Variants in PCDHGA3 observed in about 807,000 individuals in gnomAD.
PCDHGA3 encodes the protein protocadherin gamma-A3.
A neutral mutation model predicts 58.5 loss-of-function variants in PCDHGA3; 40 were observed. The ratio of observed to expected loss-of-function variants is 0.68; its 90% CI spans 0.53 to 0.89. The LOEUF is 0.89. Among genes scored for constraint, PCDHGA3 ranks in the 40% least tolerant of loss-of-function variants. PCDHGA3 has a pLI of 0.00. For synonymous variants in PCDHGA3, 530 were observed against 525.7 expected, an observed-to-expected ratio of 1.01 and a Z score of -0.11; for missense variants, 1,223 against 1,195.9, an observed-to-expected ratio of 1.02 and a Z score of -0.33.
At chr5:141,356,833 A>G in intron 1 of PCDHGA3, 1 of 1,614,124 alleles carries the variant, frequency 6.2e-7, no homozygotes, top group South Asian at 1.1e-5. Context: ...ACTCAGCAGC[A>G]ATGTGTCACT....
chr5:141,477,671 G>A lies in PCDHGA3; in HGVS notation c.2425-17136G>A, dbSNP rs1022028453. The A allele has an allele frequency of 1.2e-6, 2 of 1,614,198 alleles. No individual in the cohort carries two copies. Among genetic ancestry groups the A allele is most frequent in the Non-Finnish European group, 1.7e-6 (2 of 1,180,048 alleles). Reference sequence around the variant, plus strand: ...CACAATAAATCGTGACAATGGCATAGTGTCATCCTTAGTGCCCCTAGACTA... The same window carrying A: ...CACAATAAATCGTGACAATGGCATAATGTCATCCTTAGTGCCCCTAGACTA... On this transcript the variant is annotated intron_variant, in intron 1 of 3. Coordinates refer to ENST00000253812, the MANE Select transcript of PCDHGA3 (RefSeq NM_018916.4). This position sits in a 1 kb window ranked among gnomAD's most constrained non-coding sequence, Gnocchi z 4.9.
chr5:141,347,306 A>C (rs1335169312), intron 1 of PCDHGA3, among the ~76,000 whole-genome samples: 1 of 151,638 alleles, frequency 6.6e-6, no homozygotes, highest in Non-Finnish European at 1.5e-5. Context: ...GGCACGAGCC[A>C]CCCTCCCAGC....
intron 1 of PCDHGA3, among the ~76,000 whole-genome samples, chr5:141,459,831 G>T (rs907978430): frequency 1.3e-5 from 2 of 152,150 alleles, no homozygotes; most frequent in Non-Finnish European, 2.9e-5. Context: ...CTTTTCATGT[G>T]TTGTCTATTT....
At position 141,473,311 on chromosome 5, in the gene PCDHGA3, A is replaced by G. The variant is rs139053997; in HGVS notation, c.2425-21496A>G. On this transcript the variant is annotated intron_variant, in intron 1 of 3. Coordinates refer to ENST00000253812, the MANE Select transcript of PCDHGA3 (RefSeq NM_018916.4). ...TCAGTAGCATAAAGATTGCTATATTAATAAGCATTAAGTGCCTGCTGTGCT... is the reference window on the plus strand; with the variant it reads ...TCAGTAGCATAAAGATTGCTATATTGATAAGCATTAAGTGCCTGCTGTGCT... Among the ~76,000 whole-genome samples, 1,321 of 152,342 alleles carry G rather than the reference A, an allele frequency of 8.7e-3. 28 individuals carry two copies. Among genetic ancestry groups the G allele is most frequent in the African/African-American group, 0.03 (1,236 of 41,582 alleles).
At chr5:141,510,887 G>C (rs2099883217) in intron 3 of PCDHGA3, 60 bp from the exon 4 acceptor site, 2 of 1,612,600 alleles carry the variant, frequency 1.2e-6, no homozygotes, top group East Asian at 4.5e-5. Context: ...GGGGATATAA[G>C]ACAGTGACTG....
intron 3 of PCDHGA3, 152 bp from the exon 4 acceptor site, chr5:141,510,795 G>C (rs994874330): frequency 9.3e-5 from 136 of 1,465,100 alleles, no homozygotes; most frequent in Admixed American, 1.7e-4. Flanking sequence ...CTTGTGAAGA[G>C]AGACTACCTT....
At chr5:141,360,610 G>T (rs1761672138) in intron 1 of PCDHGA3, 1 of 1,614,000 alleles carries the variant, frequency 6.2e-7, no homozygotes, top group Non-Finnish European at 8.5e-7. Flanking sequence ...CCCAGCCCTG[G>T]ATTCAGATGT....
chr5:141,474,022 A>G (rs929139769), intron 1 of PCDHGA3, among the ~76,000 whole-genome samples: 1 of 152,160 alleles, frequency 6.6e-6, no homozygotes, highest in African/African-American at 2.4e-5. Flanking sequence ...GTGAGCTATG[A>G]TTATTCCACT....
rs1288831801 is a variant in PCDHGA3, at chr5:141,477,793, T to C, written c.2425-17014T>C. The C allele has an allele frequency of 6.2e-7, 1 of 1,614,050 alleles. No homozygotes were observed. The highest frequency in any genetic ancestry group is 2.2e-5 in the East Asian group (1 of 44,874). ...TCAGCGTGAACATATTTGTCACTGATCGCAATGACAATGCCCCCCAGGTCC... is the reference window on the plus strand; with the variant it reads ...TCAGCGTGAACATATTTGTCACTGACCGCAATGACAATGCCCCCCAGGTCC... On this transcript the variant is annotated intron_variant, in intron 1 of 3. Coordinates refer to ENST00000253812, the MANE Select transcript of PCDHGA3 (RefSeq NM_018916.4). This position sits in a 1 kb window ranked among gnomAD's most constrained non-coding sequence, Gnocchi z 4.9.
At position 141,491,651 on chromosome 5, in the gene PCDHGA3, A is replaced by G. The variant is rs1379494110; in HGVS notation, c.2425-3156A>G. 1.9e-6 allele frequency: 3 copies of G among 1,613,796 alleles called. 1 individual carries two copies. ...CAGCAGCCCACAGCTCTGGCGCTGGAGCCTGACGCCATCCGGTCCCGCTCT... is the reference window on the plus strand; with the variant it reads ...CAGCAGCCCACAGCTCTGGCGCTGGGGCCTGACGCCATCCGGTCCCGCTCT... On this transcript the variant is annotated intron_variant, in intron 1 of 3. Coordinates refer to ENST00000253812, the MANE Select transcript of PCDHGA3 (RefSeq NM_018916.4). The surrounding 1 kb of genome is among the most constrained non-coding windows in gnomAD (Gnocchi z 6.9).
rs1226359801 is a variant in PCDHGA3, at chr5:141,388,320, G to A, written c.2424+41863G>A. On this transcript the variant is annotated intron_variant, in intron 1 of 3. Coordinates refer to ENST00000253812, the MANE Select transcript of PCDHGA3 (RefSeq NM_018916.4). ...CTTTGAGCTGCAAATAAGTGAGTCT[G>A]CACAGCCTGGCACACGATTTATATT... is the stretch of plus-strand genomic sequence containing the variant. 9.3e-6 allele frequency: 15 copies of A among 1,613,768 alleles called. 1 individual carries two copies. The Admixed American group carries it at 2.5e-4, about 27-fold the overall frequency.
intron 1 of PCDHGA3, among the ~76,000 whole-genome samples, chr5:141,463,128 A>G (rs914895217): frequency 1.5e-4 from 23 of 152,190 alleles, no homozygotes; most frequent in Admixed American, 1.4e-3. Context: ...GCTCCCTGGC[A>G]GTTCTTCGCC....
At position 141,489,257 on chromosome 5, in the gene PCDHGA3, T is replaced by TC. The variant is rs773157586; in HGVS notation, c.2425-5547dup. The stretch of plus-strand genomic sequence containing the variant: ...TTCTGGGTCATGGGGCCCAAGACAC[T>TC]CCCACAGCTCGCTGGGAAATGGCAA... On this transcript the variant is annotated intron_variant, in intron 1 of 3. Coordinates refer to ENST00000253812, the MANE Select transcript of PCDHGA3 (RefSeq NM_018916.4). The surrounding 1 kb of genome is among the most constrained non-coding windows in gnomAD (Gnocchi z 4.5). 1 of 1,550,308 alleles carries TC rather than the reference T, an allele frequency of 6.5e-7. No homozygotes were observed. Among genetic ancestry groups the TC allele is most frequent in the Non-Finnish European group, 8.7e-7 (1 of 1,148,342 alleles).
intron 1 of PCDHGA3, among the ~76,000 whole-genome samples, chr5:141,466,036 G>C (rs981390655): frequency 1.3e-5 from 2 of 152,064 alleles, no homozygotes; most frequent in Non-Finnish European, 2.9e-5. Context: ...GCAGGAGAAC[G>C]GCATGAACCC....
rs568598784 is a variant in PCDHGA3, at chr5:141,345,926, C to A, written c.1893C>A (p.Ala631=). 167 of 1,613,464 alleles carry A rather than the reference C, an allele frequency of 1.0e-4. 2 individuals are homozygous for A. The South Asian group carries it at 1.7e-3, about 16-fold the overall frequency. ...CGGGCGAGGTGCGCACGGCGCGAGC[C>A]CTGCTGGACAGAGACGCGCTCAAGC... The part of the protein sequence containing the change: ...LHTGEVRTAR[A]LLDRDALKQS... Residue 631 remains alanine, a synonymous_variant, in exon 1 of 4, where the codon GCC becomes GCA. Transcript: ENST00000253812.
intron 2 of PCDHGA3, among the ~76,000 whole-genome samples, chr5:141,504,354 G>C (rs1349256606): frequency 6.6e-6 from 1 of 152,100 alleles, no homozygotes; most frequent in Non-Finnish European, 1.5e-5. Flanking sequence ...TGTGCTAGGT[G>C]CTTCAGTAGG....
At position 141,366,680 on chromosome 5, in the gene PCDHGA3, A is replaced by T. The variant is rs747876337; in HGVS notation, c.2424+20223A>T. Reference sequence around the variant, plus strand: ...CGCAGACACGCTCCTTAGTGAAGAGAGCTGTGAGAAAAGCGAGCCTCTTCT... The same window carrying T: ...CGCAGACACGCTCCTTAGTGAAGAGTGCTGTGAGAAAAGCGAGCCTCTTCT... On this transcript the variant is annotated intron_variant, in intron 1 of 3. Transcript: ENST00000253812. 1.3e-5 allele frequency: 21 copies of T among 1,614,096 alleles called. No individual in the cohort carries two copies. The East Asian group carries it at 4.2e-4, about 33-fold the overall frequency.
intron 1 of PCDHGA3, chr5:141,405,447 T>C (rs2094668355): frequency 7.5e-7 from 1 of 1,339,134 alleles, no homozygotes; most frequent in South Asian, 1.3e-5. Flanking sequence ...TGAGACAGAG[T>C]CTTACTCTGT....
chr5:141,371,126 G>A (rs771503088), intron 1 of PCDHGA3: 2 of 1,613,996 alleles, frequency 1.2e-6, no homozygotes, highest in South Asian at 2.2e-5. Context: ...TATTTACTCA[G>A]GACATGTACA....
Sources: allele counts gnomAD v4.1 joint callset (sites outside exome capture counted in the v4.1 genomes callset), GRCh38; gene constraint gnomAD v4.1.1; non-coding constraint Gnocchi (gnomAD v3.1); transcripts MANE v1.5; gene names NCBI Gene and HGNC (gene_info 2026-07-23, HGNC 2026-07-21).